The following LARP1B variants were observed in gnomAD, a reference collection of about 807,000 sequenced individuals.
LARP1B encodes the protein la-related protein 1B.
In LARP1B, 76 loss-of-function variants were observed where a neutral mutation model predicts 114.2. The ratio of observed to expected loss-of-function variants is 0.67; its 90% CI spans 0.55 to 0.81. The LOEUF is 0.81. Ranked by LOEUF, LARP1B falls within the 30% of genes least tolerant of loss-of-function variation. The pLI, the probability that LARP1B is intolerant of heterozygous loss-of-function variation, is 0.00. For missense variants in LARP1B, 1,014 were observed against 1,075.8 expected (o/e 0.94, Z 0.80); for synonymous variants, 345 against 348.0 (o/e 0.99, Z 0.10).
At chr4:128,095,608 T>A (rs1481275407) in intron 7 of LARP1B, among the ~76,000 whole-genome samples, 1 of 152,014 alleles carries the variant, frequency 6.6e-6, no homozygotes, top group Non-Finnish European at 1.5e-5. Context: ...AATATCAAAC[T>A]ATTAAAGGAA....
At chr4:128,146,328 C>T (rs1475828484) in intron 11 of LARP1B, among the ~76,000 whole-genome samples, 1 of 151,972 alleles carries the variant, frequency 6.6e-6, no homozygotes, top group Non-Finnish European at 1.5e-5. Context: ...AAAAACAATG[C>T]CAATATAGAT....
chr4:128,184,102 C>T (rs1308774224), intron 15 of LARP1B, among the ~76,000 whole-genome samples: 2 of 152,064 alleles, frequency 1.3e-5, no homozygotes, highest in Admixed American at 1.3e-4. Context: ...GTTGAAATGA[C>T]AACAACAGAT....
At chr4:128,177,108 A>T (rs1746569886) in intron 13 of LARP1B, among the ~76,000 whole-genome samples, 1 of 152,196 alleles carries the variant, frequency 6.6e-6, no homozygotes, top group Non-Finnish European at 1.5e-5. Context: ...AATCAGCAAA[A>T]TCTCATATGC....
intron 11 of LARP1B, among the ~76,000 whole-genome samples, chr4:128,140,512 A>G (rs1427872507): frequency 3.3e-5 from 5 of 152,214 alleles, no homozygotes; most frequent in African/African-American, 1.2e-4. Context: ...TTGCATAAAG[A>G]AAAACCTGGA....
chr4:128,160,067 G>T (rs1737726747), intron 11 of LARP1B, among the ~76,000 whole-genome samples: 1 of 152,198 alleles, frequency 6.6e-6, no homozygotes, highest in African/African-American at 2.4e-5. Context: ...AGACTTTGTG[G>T]GTCATACGTT....
Position 128,121,945 on chromosome 4 carries a change from A to G in LARP1B, c.1281A>G (p.Thr427=), listed in dbSNP as rs533318605. 1.2e-6 allele frequency: 2 copies of G among 1,612,850 alleles called. No homozygotes were observed. The highest frequency in any genetic ancestry group is 2.2e-5 in the South Asian group (2 of 91,012). The change falls in exon 11 of 20, where the codon ACA becomes ACG. Residue 427 remains threonine, a synonymous_variant. Coordinates refer to ENST00000326639, the MANE Select transcript of LARP1B (RefSeq NM_018078.4). The stretch of plus-strand genomic sequence containing the variant: ...TTGAACAAATAGGACGAAAAAACAC[A>G]TTTACTGATTGGTCTGATAATGATT... ...EEIEQIGRKN[T]FTDWSDNDSD...
At chr4:128,162,379 TA>T (rs1738889801) in intron 12 of LARP1B, 62 bp downstream of exon 12, 10 of 1,392,730 alleles carry the variant, frequency 7.2e-6, no homozygotes, top group Middle Eastern at 1.9e-4. Flanking sequence ...GAATTGTTTT[TA>T]AAAATTGCTC....
At chr4:128,209,691 C>T (rs1427822247) in intron 19 of LARP1B, among the ~76,000 whole-genome samples, 165 bp from the exon 20 acceptor site, 1 of 146,830 alleles carries the variant, frequency 6.8e-6, no homozygotes, top group African/African-American at 2.5e-5. Flanking sequence ...CCACTGCACT[C>T]CAGCCTGGGT....
chr4:128,197,602 G>T (rs1026391108), intron 15 of LARP1B, among the ~76,000 whole-genome samples: 3 of 152,072 alleles, frequency 2.0e-5, no homozygotes, highest in Non-Finnish European at 4.4e-5. Flanking sequence ...GCTGAGGCAG[G>T]AGAATCGCTT....
Position 128,211,699 on chromosome 4 carries a change from G to A in LARP1B, c.*1646G>A. The stretch of plus-strand genomic sequence containing the variant: ...AAACCGTGCTTATTAGCTTTAAATG[G>A]TCTCTTGAAATGATCATAAATTTTT... On this transcript the variant is annotated 3_prime_UTR_variant, in exon 20 of 20. Coordinates refer to ENST00000326639, the MANE Select transcript of LARP1B (RefSeq NM_018078.4). 2.0e-6 allele frequency: 2 copies of A among 985,022 alleles called. No individual in the cohort carries two copies. Among genetic ancestry groups the A allele is most frequent in the South Asian group, 9.4e-5 (2 of 21,274 alleles). The allele number at this position is 985,022 out of a possible 1,614,324, so 61.0% of individuals were successfully genotyped here.
intron 11 of LARP1B, among the ~76,000 whole-genome samples, chr4:128,152,903 T>A (rs1733513046): frequency 6.6e-6 from 1 of 151,964 alleles, no homozygotes; most frequent in Non-Finnish European, 1.5e-5. Context: ...TTACTTTTGT[T>A]TTTTAATTGT....
chr4:128,138,069 CAA>C (rs1483815090), intron 11 of LARP1B, among the ~76,000 whole-genome samples: 1 of 151,554 alleles, frequency 6.6e-6, no homozygotes, highest in Non-Finnish European at 1.5e-5. Flanking sequence ...GCATTGATCT[CAA>C]GAAGTTAGGA....
At chr4:128,191,524 T>G (rs1752274885) in intron 15 of LARP1B, among the ~76,000 whole-genome samples, 1 of 152,100 alleles carries the variant, frequency 6.6e-6, no homozygotes, top group South Asian at 2.1e-4. Flanking sequence ...TCACAAACAT[T>G]GGAGCACTGC....
rs1771052581 is a variant in LARP1B at position 128,082,807 on chromosome 4, T to A, written c.358+502T>A. On this transcript the variant is annotated intron_variant, in intron 5 of 19. Coordinates refer to ENST00000326639, the MANE Select transcript of LARP1B (RefSeq NM_018078.4). ...TAAGAAAATATATCATTTTCTTCTT[T>A]TTTTTTTTTTTTAATTTTTATTTTT... Among the ~76,000 whole-genome samples, 3 of 24,112 alleles carry A rather than the reference T, an allele frequency of 1.2e-4. No individual in the cohort carries two copies. The South Asian group carries it at 7.4e-3, about 60-fold the overall frequency. The allele number at this position is 24,112 out of a possible 152,430, so 15.8% of individuals were successfully genotyped here.
intron 9 of LARP1B, among the ~76,000 whole-genome samples, chr4:128,110,027 C>T (rs1322014067): frequency 2.0e-5 from 3 of 152,064 alleles, no homozygotes; most frequent in Non-Finnish European, 1.5e-5. Flanking sequence ...CCTCAGCCTC[C>T]CGAGTAGCTG....
At chr4:128,213,600 A>G (rs1759267111), downstream of LARP1B, among the ~76,000 whole-genome samples, 2 of 152,232 alleles carry the variant, frequency 1.3e-5, no homozygotes, top group African/African-American at 4.8e-5. Flanking sequence ...ATTATTGACT[A>G]TAAATCTAAA....
chr4:128,165,634 A>G (rs906134351), intron 12 of LARP1B, among the ~76,000 whole-genome samples: 2 of 152,164 alleles, frequency 1.3e-5, no homozygotes, highest in Non-Finnish European at 2.9e-5. Context: ...CAGTATCTAT[A>G]TTCCTATTTA....
Position 128,199,532 on chromosome 4 carries a change from T to C in LARP1B, c.2097T>C (p.His699=). 1 of 1,601,884 alleles carries C rather than the reference T, an allele frequency of 6.2e-7. No homozygotes were observed. Among genetic ancestry groups the C allele is most frequent in the South Asian group, 1.1e-5 (1 of 88,152 alleles). The stretch of plus-strand genomic sequence containing the variant: ...TCCCAAAGTTCCAGCATCCTTCTCA[T>C]GAACTTTTGAAGGAAAATGGCTTTA... The part of the protein sequence containing the change: ...HSFPKFQHPS[H]ELLKENGFTQ... The change falls in exon 16 of 20, where the codon CAT becomes CAC. Residue 699 remains histidine (H), a synonymous_variant. Transcript: ENST00000326639.
chr4:128,140,824 G>GTTTTTTTTTTTTTT (rs773635049), intron 11 of LARP1B, among the ~76,000 whole-genome samples: 1 of 138,604 alleles, frequency 7.2e-6, no homozygotes, highest in African/African-American at 2.6e-5. Context: ...AATTGTCTCT[G>GTTTTTTTTTTTTTT]TTTTTTTTTT....
Sources: allele counts gnomAD v4.1 joint callset (sites outside exome capture counted in the v4.1 genomes callset), GRCh38; gene constraint gnomAD v4.1.1; transcripts MANE v1.5; gene names NCBI Gene and HGNC (gene_info 2026-07-23, HGNC 2026-07-21).